FAM13B: variants seen among roughly 807,000 people sequenced by gnomAD.
The protein encoded by FAM13B is family with sequence similarity 13 member B.
FAM13B carries 60 observed loss-of-function variants against 117.3 expected under a neutral mutation model. The ratio of observed to expected loss-of-function variants is 0.51; its 90% confidence interval spans 0.42 to 0.63. The LOEUF (loss-of-function observed/expected upper bound fraction) is 0.63. FAM13B is among the 30% of genes least tolerant of loss of function. The pLI, the probability that FAM13B is intolerant of heterozygous loss-of-function variation, is 0.00. For synonymous variants in FAM13B, 332 were observed against 356.1 expected, an observed-to-expected ratio of 0.93 and a Z score of 0.76; for missense variants, 972 against 1,091.9, an observed-to-expected ratio of 0.89 and a Z score of 1.55.
At chr5:137,958,321 G>C (rs1303858468) in intron 13 of FAM13B, among the ~76,000 whole-genome samples, 1 of 152,230 alleles carries the variant, frequency 6.6e-6, no homozygotes, top group East Asian at 1.9e-4. Flanking sequence ...AGTTAAAACA[G>C]ATAATATGCC....
intron 17 of FAM13B, among the ~76,000 whole-genome samples, chr5:137,952,405 CAA>C (rs1765282137): frequency 6.6e-6 from 1 of 151,896 alleles, no homozygotes; most frequent in South Asian, 2.1e-4. Flanking sequence ...AATAAAAACA[CAA>C]AAAAGACATT....
rs754807007 is a variant in FAM13B at position 137,949,085 on chromosome 5, T to C, written c.2030A>G (p.Asp677Gly). Residue 677 changes from aspartate (D) to glycine (G), a missense_variant, in exon 18 of 24, where the codon GAT becomes GGT. Coordinates refer to ENST00000689681, the MANE Select transcript of FAM13B (RefSeq NM_001385994.1). Reference sequence around the variant, plus strand: ...CTTGGGTTCATCTTCATTCTCTTCATCTTCATGGTCTAGAGAAGAGCCAAA... The same window carrying C: ...CTTGGGTTCATCTTCATTCTCTTCACCTTCATGGTCTAGAGAAGAGCCAAA... ...KSFGSSLDHE[D>G]EENEDEPKVI... The C allele has an allele frequency of 1.2e-6, 2 of 1,614,108 alleles. No individual in the cohort carries two copies. Among genetic ancestry groups the C allele is most frequent in the South Asian group, 1.1e-5 (1 of 91,080 alleles).
chr5:137,986,110 T>A (rs915617060), intron 9 of FAM13B, among the ~76,000 whole-genome samples: 1 of 152,090 alleles, frequency 6.6e-6, no homozygotes, highest in African/African-American at 2.4e-5. Flanking sequence ...CTCTTTTCTT[T>A]CCCTCTCCCG....
At chr5:138,044,511 C>A (rs1419775331) in intron 1 of FAM13B, among the ~76,000 whole-genome samples, 2 of 148,348 alleles carry the variant, frequency 1.3e-5, no homozygotes, top group African/African-American at 2.5e-5. Context: ...AAGATCACAC[C>A]ATTGCACTCC....
At chr5:137,959,152 A>G (rs1767405689) in intron 13 of FAM13B, among the ~76,000 whole-genome samples, 1 of 152,208 alleles carries the variant, frequency 6.6e-6, no homozygotes, top group Admixed American at 6.5e-5. Flanking sequence ...TAAGACAGAA[A>G]TACAGGAATA....
rs1389054085 is a variant in FAM13B at position 138,007,027 on chromosome 5, C to T, written c.811G>A (p.Glu271Lys). ...MPEVVQLRMT[E>K]NILESNSVTA... The stretch of plus-strand genomic sequence containing the variant: ...ACACTATTTGATTCCAGGATGTTTT[C>T]AGTCATCCTTAATTGTACCACCTCT... The change falls in exon 7 of 24, where the codon GAA becomes AAA. Residue 271 changes from glutamate (E) to lysine (K), a missense_variant. Glu to Lys is a moderately conservative substitution (Grantham distance 56). Transcript: ENST00000689681. 1.2e-6 allele frequency: 2 copies of T among 1,611,386 alleles called. No homozygotes were observed. Among genetic ancestry groups the T allele is most frequent in the Non-Finnish European group, 1.7e-6 (2 of 1,179,432 alleles).
upstream of FAM13B, chr5:138,033,231 C>A: frequency 4.8e-6 from 1 of 210,278 alleles, no homozygotes; most frequent in East Asian, 1.9e-4. Context: ...CCTCTCCCAC[C>A]AATTGGGGTC....
intron 7 of FAM13B, among the ~76,000 whole-genome samples, chr5:137,994,449 A>G (rs1458783022): frequency 1.3e-5 from 2 of 152,220 alleles, no homozygotes; most frequent in Non-Finnish European, 2.9e-5. Flanking sequence ...AAGCCCTGAT[A>G]TATCAGCCAG....
intron 1 of FAM13B, among the ~76,000 whole-genome samples, chr5:138,029,305 A>T (rs1270277830): frequency 6.6e-6 from 1 of 152,244 alleles, no homozygotes; most frequent in East Asian, 1.9e-4. Flanking sequence ...TCTAGGCAAC[A>T]ACTACAATTC....
chr5:138,049,614 T>C (rs1033750712), intron 1 of FAM13B, among the ~76,000 whole-genome samples: 1 of 152,142 alleles, frequency 6.6e-6, no homozygotes, highest in Admixed American at 6.5e-5. Context: ...CTCTTTTCAT[T>C]TGGAGTAAGT....
intron 7 of FAM13B, among the ~76,000 whole-genome samples, chr5:138,005,662 G>C (rs1458136689): frequency 4.0e-5 from 6 of 151,896 alleles, no homozygotes; most frequent in African/African-American, 1.5e-4. Flanking sequence ...AAAACAGAAT[G>C]TTAAATCGGG....
chr5:138,032,221 G>C (rs1790258650), intron 1 of FAM13B, among the ~76,000 whole-genome samples: 4 of 152,160 alleles, frequency 2.6e-5, no homozygotes, highest in Admixed American at 1.3e-4. Context: ...CCTCCAGCCT[G>C]GCCTATGCAG....
intron 10 of FAM13B, among the ~76,000 whole-genome samples, chr5:137,969,738 G>A (rs1451677735): frequency 6.6e-6 from 1 of 151,952 alleles, no homozygotes; most frequent in African/African-American, 2.4e-5. Flanking sequence ...TGTATAACTA[G>A]AATAACCAAT....
At chr5:137,967,130 A>AG (rs1770234560) in intron 10 of FAM13B, among the ~76,000 whole-genome samples, 1 of 152,216 alleles carries the variant, frequency 6.6e-6, no homozygotes, top group Non-Finnish European at 1.5e-5. Context: ...AAAAGACGAT[A>AG]AAGTTTAACA....
intron 11 of FAM13B, 49 bp from the exon 12 acceptor site, chr5:137,960,263 T>C (rs1392245215): frequency 2.8e-6 from 3 of 1,064,510 alleles, no homozygotes; most frequent in Non-Finnish European, 4.1e-6. Context: ...AAAAGGCTAC[T>C]ATCATTATAT....
At chr5:138,010,320 G>T (rs1357275357) in intron 6 of FAM13B, among the ~76,000 whole-genome samples, 1 of 152,128 alleles carries the variant, frequency 6.6e-6, no homozygotes, top group Non-Finnish European at 1.5e-5. Flanking sequence ...AAATCATTTT[G>T]TGGGGCCAGG....
intron 1 of FAM13B, among the ~76,000 whole-genome samples, chr5:138,038,998 C>A (rs1295051590): frequency 6.6e-6 from 1 of 152,220 alleles, no homozygotes; most frequent in African/African-American, 2.4e-5. Context: ...GTGCCAGTCA[C>A]ATCCAGTTTG....
chr5:137,944,683 G>A (rs545732775), intron 20 of FAM13B, among the ~76,000 whole-genome samples: 55 of 151,668 alleles, frequency 3.6e-4, no homozygotes, highest in Non-Finnish European at 5.0e-4. Context: ...GCTTGAACCC[G>A]GGAGGCGGAG....
intron 1 of FAM13B, among the ~76,000 whole-genome samples, chr5:138,022,183 G>C (rs1435093822): frequency 6.6e-6 from 1 of 151,736 alleles, no homozygotes; most frequent in Non-Finnish European, 1.5e-5. Flanking sequence ...AGATAACATA[G>C]GTATGCAGTA....
Sources: allele counts gnomAD v4.1 joint callset (sites outside exome capture counted in the v4.1 genomes callset), GRCh38; gene constraint gnomAD v4.1.1; transcripts MANE v1.5; gene names NCBI Gene and HGNC (gene_info 2026-07-23, HGNC 2026-07-21).